OPCML: variants seen among roughly 807,000 people sequenced by gnomAD.
OPCML encodes the protein opioid binding protein/cell adhesion molecule like, also known as opioid-binding protein/cell adhesion molecule.
OPCML carries 13 observed loss-of-function variants against 37.8 expected under a neutral mutation model. The observed-to-expected ratio is 0.34, with a 90% CI of 0.22 to 0.55. The LOEUF is 0.55. Among genes scored for constraint, OPCML ranks in the 20% least tolerant of loss-of-function variants. The pLI is 0.91. For missense variants in OPCML, 341 were observed against 435.6 expected (o/e 0.78, Z 1.93); for synonymous variants, 176 against 168.8 (o/e 1.04, Z -0.33).
intron 1 of OPCML, among the ~76,000 whole-genome samples, chr11:133,099,187 TAAATGA>T (rs1949049027): frequency 6.6e-6 from 1 of 151,426 alleles, no homozygotes; most frequent in African/African-American, 2.4e-5. Context: ...AAAAACTAAA[TAAATGA>T]AGAGATATTT....
chr11:132,965,111 G>C (rs769307510), intron 1 of OPCML, among the ~76,000 whole-genome samples: 1 of 152,156 alleles, frequency 6.6e-6, no homozygotes, highest in Non-Finnish European at 1.5e-5. Flanking sequence ...AAAATAATTA[G>C]ATAAGCAGAG....
chr11:132,931,890 A>C (rs142788009), intron 2 of OPCML, among the ~76,000 whole-genome samples: 451 of 152,360 alleles, frequency 3.0e-3, no homozygotes, highest in Admixed American at 7.1e-3. Context: ...TCAAAGGATG[A>C]ATGAATAAAC....
At chr11:133,011,216 C>G (rs1947205747) in intron 1 of OPCML, among the ~76,000 whole-genome samples, 1 of 152,206 alleles carries the variant, frequency 6.6e-6, no homozygotes, top group Non-Finnish European at 1.5e-5. Context: ...GGATCAGGCC[C>G]TTTCTATGGA....
At chr11:133,313,084 T>C (rs1943105737) in intron 1 of OPCML, among the ~76,000 whole-genome samples, 1 of 152,220 alleles carries the variant, frequency 6.6e-6, no homozygotes, top group Admixed American at 6.5e-5. Flanking sequence ...TTTATGGTAT[T>C]TATCACTATC....
intron 2 of OPCML, among the ~76,000 whole-genome samples, chr11:132,678,531 C>T (rs1320362748): frequency 1.3e-5 from 2 of 152,176 alleles, no homozygotes; most frequent in Non-Finnish European, 2.9e-5. Flanking sequence ...AACTGCGTTA[C>T]ATCCAGACAA....
chr11:132,777,508 T>G (rs930810533), intron 2 of OPCML, among the ~76,000 whole-genome samples: 2 of 151,832 alleles, frequency 1.3e-5, no homozygotes, highest in Non-Finnish European at 2.9e-5. Context: ...CCCAGTGGAG[T>G]TACTAATATA....
chr11:132,575,829 G>A (rs1180179143), intron 3 of OPCML, among the ~76,000 whole-genome samples: 1 of 152,062 alleles, frequency 6.6e-6, no homozygotes, highest in Non-Finnish European at 1.5e-5. Context: ...GACAGGTTTA[G>A]TGGTGACGAA....
At chr11:133,500,070 C>G (rs1290203865) in intron 1 of OPCML, among the ~76,000 whole-genome samples, 3 of 151,844 alleles carry the variant, frequency 2.0e-5, no homozygotes, top group African/African-American at 7.3e-5. Context: ...CGGGGTTTCA[C>G]CATCTTGGCC....
intron 4 of OPCML, among the ~76,000 whole-genome samples, chr11:132,486,112 GC>G (rs2096198997): frequency 6.6e-6 from 1 of 152,110 alleles, no homozygotes; most frequent in East Asian, 1.9e-4. Flanking sequence ...GATTCCAATT[GC>G]CTTAATACTC....
At chr11:133,358,957 T>TGG (rs983370933) in intron 1 of OPCML, among the ~76,000 whole-genome samples, 3 of 146,568 alleles carry the variant, frequency 2.0e-5, no homozygotes, top group Non-Finnish European at 4.5e-5. Flanking sequence ...TGTGTGTAGG[T>TGG]GGGGGGACCA....
At position 132,462,357 on chromosome 11, in the gene OPCML, C is replaced by T. The variant is rs553483058; in HGVS notation, c.506-24998G>A. On this transcript the variant is annotated intron_variant, in intron 4 of 7. Coordinates refer to ENST00000524381, the MANE Select transcript of OPCML (RefSeq NM_001012393.5). ...TGTGTGCCATTTCCACACCACCTTTCCTGAGGCTGCCTGGTGGGCTTCCCT... is the reference window on the plus strand; with the variant it reads ...TGTGTGCCATTTCCACACCACCTTTTCTGAGGCTGCCTGGTGGGCTTCCCT... 1.6e-4 allele frequency among the ~76,000 whole-genome samples: 24 copies of T among 152,298 alleles called. 1 individual carries two copies. The highest frequency in any genetic ancestry group is 5.1e-4 in the African/African-American group (21 of 41,556).
chr11:132,805,116 G>T (rs1938920834), intron 2 of OPCML, among the ~76,000 whole-genome samples: 1 of 152,116 alleles, frequency 6.6e-6, no homozygotes, highest in African/African-American at 2.4e-5. Context: ...TGAAATTCTA[G>T]AACTGGGAAG....
intron 2 of OPCML, among the ~76,000 whole-genome samples, chr11:132,815,866 GAC>G (rs1939604260): frequency 6.6e-6 from 1 of 152,234 alleles, no homozygotes; most frequent in Non-Finnish European, 1.5e-5. Flanking sequence ...GAATGCAACA[GAC>G]ACAGATAGAG....
intron 1 of OPCML, among the ~76,000 whole-genome samples, chr11:132,959,998 G>T (rs1334270272): frequency 6.6e-6 from 1 of 152,168 alleles, no homozygotes; most frequent in Non-Finnish European, 1.5e-5. Context: ...AACATGTTTG[G>T]CTCTAAAATT....
chr11:132,713,874 T>C (rs1268772505), intron 2 of OPCML, among the ~76,000 whole-genome samples: 1 of 152,226 alleles, frequency 6.6e-6, no homozygotes, highest in Non-Finnish European at 1.5e-5. Context: ...AGGAAAGGTC[T>C]CCTATGAAAA....
At chr11:132,659,495 C>T (rs926846290) in intron 2 of OPCML, among the ~76,000 whole-genome samples, 1 of 152,160 alleles carries the variant, frequency 6.6e-6, no homozygotes, top group African/African-American at 2.4e-5. Context: ...GCGTGATGTT[C>T]CAGTCGCTTC....
chr11:132,944,418 C>A (rs529656618), intron 1 of OPCML, among the ~76,000 whole-genome samples: 2 of 152,282 alleles, frequency 1.3e-5, no homozygotes, highest in Admixed American at 6.5e-5. Flanking sequence ...CCTGACGGCG[C>A]GCTGTCCTGG....
chr11:133,396,797 C>T (rs749925633), intron 1 of OPCML, among the ~76,000 whole-genome samples: 2 of 152,176 alleles, frequency 1.3e-5, no homozygotes, highest in Non-Finnish European at 2.9e-5. Flanking sequence ...TAGATTGCCC[C>T]TCTGCCCAAT....
chr11:133,405,228 A>G (rs1945500118), intron 1 of OPCML, among the ~76,000 whole-genome samples: 1 of 152,156 alleles, frequency 6.6e-6, no homozygotes, highest in Admixed American at 6.5e-5. Flanking sequence ...GTGGGCGTTG[A>G]GCAGAAGCTC....
Sources: allele counts gnomAD v4.1 joint callset (sites outside exome capture counted in the v4.1 genomes callset), GRCh38; gene constraint gnomAD v4.1.1; transcripts MANE v1.5; gene names NCBI Gene and HGNC (gene_info 2026-07-23, HGNC 2026-07-21).